The following IARS1 variants were observed in gnomAD, a reference collection of about 807,000 sequenced individuals.
IARS1 encodes the protein isoleucine--tRNA ligase, cytoplasmic.
In IARS1, 124 loss-of-function variants were observed where a neutral mutation model predicts 168.2. The observed-to-expected ratio is 0.74, with a 90% confidence interval of 0.64 to 0.86. The LOEUF (loss-of-function observed/expected upper bound fraction) is 0.86. Ranked by LOEUF, IARS1 falls within the 40% of genes least tolerant of loss-of-function variation. IARS1 has a pLI of 0.00. For synonymous variants in IARS1, 532 were observed against 529.4 expected, an observed-to-expected ratio of 1.00 and a Z score of -0.07; for missense variants, 1,452 against 1,515.8, an observed-to-expected ratio of 0.96 and a Z score of 0.70.
intron 13 of IARS1, among the ~76,000 whole-genome samples, chr9:92,269,240 TAC>T (rs1564180447): frequency 6.6e-6 from 1 of 152,200 alleles, no homozygotes; most frequent in Non-Finnish European, 1.5e-5. Flanking sequence ...TAAACTCAGA[TAC>T]AGTTTTCTAG....
intron 23 of IARS1, 113 bp downstream of exon 23, chr9:92,250,600 G>T: frequency 8.2e-7 from 1 of 1,214,130 alleles, no homozygotes; most frequent in South Asian, 1.6e-5. Context: ...CAGCTGGGGC[G>T]GGAGGCAAGG....
At chr9:92,249,788 T>C (rs1587792461) in intron 25 of IARS1, 70 bp downstream of exon 25, 2 of 764,994 alleles carry the variant, frequency 2.6e-6, no homozygotes, top group East Asian at 5.0e-5. Context: ...AATATGTACT[T>C]TGAGGATTAT....
At chr9:92,287,350 C>G (rs1423001556) in intron 4 of IARS1, 1 of 153,850 alleles carries the variant, frequency 6.5e-6, no homozygotes, top group East Asian at 1.9e-4. Context: ...ATTAATGGGG[C>G]AACTGCTTTT....
chr9:92,251,767 C>T, intron 22 of IARS1, 41 bp downstream of exon 22: 1 of 1,453,792 alleles, frequency 6.9e-7, no homozygotes, highest in African/African-American at 1.4e-5. Flanking sequence ...TGAAGGCAGC[C>T]CATAGGCCAA....
intron 15 of IARS1, among the ~76,000 whole-genome samples, 167 bp from the exon 16 acceptor site, chr9:92,265,290 T>C (rs1018804965): frequency 2.6e-5 from 4 of 152,240 alleles, no homozygotes; most frequent in Non-Finnish European, 5.9e-5. Flanking sequence ...ATCCTCCATC[T>C]GAAAGGTTAT....
rs564449241 is a variant in IARS1 at position 92,211,137 on chromosome 9, G to C, written c.3707-248C>G. Among the ~76,000 whole-genome samples, 6 of 152,234 alleles carry C rather than the reference G, an allele frequency of 3.9e-5. No homozygotes were observed. The East Asian group carries it at 1.2e-3, about 29-fold the overall frequency. On this transcript the variant is annotated intron_variant, in intron 33 of 33. Coordinates refer to ENST00000443024, the MANE Select transcript of IARS1 (RefSeq NM_002161.6). ...TAATGAGACAATTCAGGGTAGTGCT[G>C]GCCAGGACAGAAAGACCAAGTATAT...
intron 30 of IARS1, among the ~76,000 whole-genome samples, chr9:92,230,174 G>A (rs566568783): frequency 7.2e-5 from 11 of 151,762 alleles, no homozygotes; most frequent in African/African-American, 2.4e-4. Flanking sequence ...GCAGTAGTGC[G>A]ATTTCGGCTC....
At chr9:92,272,015 A>G (rs2133877725) in intron 10 of IARS1, among the ~76,000 whole-genome samples, 1 of 152,390 alleles carries the variant, frequency 6.6e-6, no homozygotes, top group Non-Finnish European at 1.5e-5. Flanking sequence ...GGAATGTTTT[A>G]AAACTAAATC....
chr9:92,233,873 A>G (rs9299402), intron 30 of IARS1, among the ~76,000 whole-genome samples: 97,576 of 152,000 alleles, frequency 0.64, 33,527 homozygotes, highest in African/African-American at 0.9. Context: ...GCAATCCTCC[A>G]ACCTCAGCCT....
intron 1 of IARS1, 111 bp downstream of exon 1, chr9:92,293,500 G>A (rs987526794): frequency 4.0e-5 from 21 of 525,808 alleles, no homozygotes; most frequent in Non-Finnish European, 7.4e-5. Flanking sequence ...GGCAAGCCCC[G>A]AAGAAACACG....
At chr9:92,259,738 C>T (rs1279184141) in intron 18 of IARS1, among the ~76,000 whole-genome samples, 1 of 152,146 alleles carries the variant, frequency 6.6e-6, no homozygotes. Context: ...AAAAGCTTTT[C>T]AATATGAGTT....
intron 6 of IARS1, among the ~76,000 whole-genome samples, chr9:92,281,154 A>G (rs1180524533): frequency 2.3e-5 from 3 of 129,542 alleles, no homozygotes; most frequent in Non-Finnish European, 4.9e-5. Flanking sequence ...TTTTTTTTTT[A>G]GATGGAGTCT....
At chr9:92,290,165 T>C (rs1371398470) in intron 1 of IARS1, among the ~76,000 whole-genome samples, 2 of 152,222 alleles carry the variant, frequency 1.3e-5, no homozygotes, top group Admixed American at 6.5e-5. Flanking sequence ...CTATTTTACA[T>C]TCCCTCAGCA....
chr9:92,242,512 GTCTTTT>G, intron 28 of IARS1, 182 bp from the exon 29 acceptor site: 1 of 566,608 alleles, frequency 1.8e-6, no homozygotes. Flanking sequence ...TTAACTTTGT[GTCTTTT>G]TCACCACTCT....
chr9:92,242,690 G>C (rs1054420445), intron 28 of IARS1: 12 of 229,522 alleles, frequency 5.2e-5, no homozygotes, highest in Non-Finnish European at 9.4e-5. Flanking sequence ...TGAACCGTCT[G>C]GGAAGAAAGA....
chr9:92,223,610 GT>G (rs1825163469), intron 31 of IARS1, 121 bp from the exon 32 acceptor site: 3 of 775,144 alleles, frequency 3.9e-6, no homozygotes, highest in Non-Finnish European at 6.0e-6. Context: ...CTTAATTTCT[GT>G]TTATCAAGAG....
chr9:92,285,878 T>C (rs544028296), intron 5 of IARS1, 39 bp from the exon 6 acceptor site: 3 of 1,163,598 alleles, frequency 2.6e-6, no homozygotes, highest in South Asian at 1.3e-5. Flanking sequence ...AGAACAAAAT[T>C]CTATTTCTGA....
chr9:92,231,863 T>C (rs977334951), intron 30 of IARS1, among the ~76,000 whole-genome samples: 13 of 152,196 alleles, frequency 8.5e-5, no homozygotes, highest in Non-Finnish European at 2.9e-5. Context: ...CCAACACACA[T>C]GCTTTTCAAG....
At chr9:92,236,201 C>T (rs1827499241) in intron 30 of IARS1, among the ~76,000 whole-genome samples, 1 of 152,070 alleles carries the variant, frequency 6.6e-6, no homozygotes, top group Admixed American at 6.5e-5. Flanking sequence ...CCAGGCTGGT[C>T]TCCAACTCCT....
Sources: allele counts gnomAD v4.1 joint callset (sites outside exome capture counted in the v4.1 genomes callset), GRCh38; gene constraint gnomAD v4.1.1; transcripts MANE v1.5; gene names NCBI Gene and HGNC (gene_info 2026-07-23, HGNC 2026-07-21).